The following UST variants were observed in gnomAD, a reference collection of about 807,000 sequenced individuals.
UST encodes the protein chondroitin sulfate 2-O-sulfotransferase.
In UST, 21 loss-of-function variants were observed where a neutral mutation model predicts 45.6. That is an observed-to-expected ratio of 0.46 (90% CI 0.33 to 0.66). UST has a LOEUF of 0.66. Among genes scored for constraint, UST ranks in the 30% least tolerant of loss-of-function variants. UST has a pLI of 0.02. For missense variants in UST, 463 were observed against 512.4 expected, an observed-to-expected ratio of 0.90 and a Z score of 0.93; for synonymous variants, 215 against 200.6, an observed-to-expected ratio of 1.07 and a Z score of -0.61.
At chr6:148,892,055 TG>T (rs1217823896) in intron 2 of UST, among the ~76,000 whole-genome samples, 1 of 152,248 alleles carries the variant, frequency 6.6e-6, no homozygotes, top group African/African-American at 2.4e-5. Flanking sequence ...TCCTTCCTCT[TG>T]AACGACTGAC....
At chr6:148,952,303 G>A (rs960647187) in intron 3 of UST, among the ~76,000 whole-genome samples, 6 of 152,196 alleles carry the variant, frequency 3.9e-5, no homozygotes, top group Non-Finnish European at 8.8e-5. Flanking sequence ...CAGGTGGTGT[G>A]TCGAGGATAA....
intron 2 of UST, among the ~76,000 whole-genome samples, chr6:148,920,894 T>C (rs924860544): frequency 2.0e-5 from 3 of 152,228 alleles, no homozygotes; most frequent in Admixed American, 6.5e-5. Context: ...TAAATCTCTG[T>C]ACCCTGACCG....
At chr6:148,927,553 C>T (rs79218153) in intron 2 of UST, among the ~76,000 whole-genome samples, 2 of 152,242 alleles carry the variant, frequency 1.3e-5, no homozygotes, top group East Asian at 3.9e-4. Flanking sequence ...TAATTCCCAG[C>T]CTTTTCTTCT....
chr6:148,856,816 T>A (rs1047923521), intron 1 of UST, among the ~76,000 whole-genome samples: 1 of 152,168 alleles, frequency 6.6e-6, no homozygotes, highest in African/African-American at 2.4e-5. Context: ...GGATCTAAAC[T>A]GTTACTGTGG....
intron 7 of UST, among the ~76,000 whole-genome samples, chr6:149,072,792 C>A (rs191376104): frequency 3.7e-4 from 57 of 152,040 alleles, no homozygotes; most frequent in Middle Eastern, 3.4e-3. Flanking sequence ...TGAGAATAGG[C>A]AAATTCATAA....
At chr6:149,063,481 G>A (rs1000664474) in intron 7 of UST, among the ~76,000 whole-genome samples, 1 of 152,188 alleles carries the variant, frequency 6.6e-6, no homozygotes, top group African/African-American at 2.4e-5. Flanking sequence ...AGAAAAATGT[G>A]CCTTGCCAGC....
intron 7 of UST, among the ~76,000 whole-genome samples, chr6:149,024,904 C>T (rs1183786321): frequency 6.6e-6 from 1 of 151,744 alleles, no homozygotes; most frequent in Non-Finnish European, 1.5e-5. Flanking sequence ...GCAAAAACAC[C>T]ACTGGCCATT....
At position 148,921,785 on chromosome 6, in the gene UST, C is replaced by G. The variant is rs183221162; in HGVS notation, c.292-19494C>G. ...GCATCCAGTCGCAGTCATGAAGTGC[C>G]ACTCCCCATGGTCTGGTGCCTCTGG... is the stretch of plus-strand genomic sequence containing the variant. On this transcript the variant is annotated intron_variant, in intron 2 of 7. Coordinates refer to ENST00000367463, the MANE Select transcript of UST (RefSeq NM_005715.3). Among the ~76,000 whole-genome samples, 20 of 152,244 alleles carry G rather than the reference C, an allele frequency of 1.3e-4. No individual in the cohort carries two copies. The East Asian group carries it at 3.3e-3, about 25-fold the overall frequency.
At chr6:148,962,752 A>G (rs1273574571) in intron 4 of UST, among the ~76,000 whole-genome samples, 1 of 152,200 alleles carries the variant, frequency 6.6e-6, no homozygotes, top group Non-Finnish European at 1.5e-5. Context: ...GGTGTCATTC[A>G]TATGTCCTGG....
At chr6:149,056,106 T>G (rs1417131733) in intron 7 of UST, among the ~76,000 whole-genome samples, 2 of 129,952 alleles carry the variant, frequency 1.5e-5, no homozygotes, top group Admixed American at 8.2e-5. Context: ...ACTCTGCTTT[T>G]CTTTTCTTTT....
At chr6:149,045,918 G>C (rs1776388538) in intron 7 of UST, among the ~76,000 whole-genome samples, 1 of 152,112 alleles carries the variant, frequency 6.6e-6, no homozygotes, top group Non-Finnish European at 1.5e-5. Context: ...CCATCTCCCA[G>C]AATATCTGCT....
At chr6:148,761,598 G>A (rs1235559948) in intron 1 of UST, among the ~76,000 whole-genome samples, 1 of 152,222 alleles carries the variant, frequency 6.6e-6, no homozygotes, top group Non-Finnish European at 1.5e-5. Flanking sequence ...CCACAGTGGG[G>A]AAGAAACCAG....
chr6:148,848,336 C>T (rs546300904), intron 1 of UST, among the ~76,000 whole-genome samples: 55 of 152,172 alleles, frequency 3.6e-4, no homozygotes, highest in African/African-American at 9.4e-4. Context: ...TGTTTTTTCC[C>T]GCAAACTTGA....
At chr6:148,862,935 T>C (rs947876318) in intron 1 of UST, among the ~76,000 whole-genome samples, 5 of 152,234 alleles carry the variant, frequency 3.3e-5, no homozygotes, top group Non-Finnish European at 5.9e-5. Context: ...TAACATTTTT[T>C]CCTTCATTTC....
intron 5 of UST, among the ~76,000 whole-genome samples, chr6:148,974,912 C>T (rs74601490): frequency 0.019 from 2,966 of 152,278 alleles, 81 homozygotes; most frequent in African/African-American, 0.055. Flanking sequence ...ACTGCTGTCC[C>T]GTTACCCTCT....
chr6:148,900,477 C>T (rs1305191936), intron 2 of UST, among the ~76,000 whole-genome samples: 1 of 152,124 alleles, frequency 6.6e-6, no homozygotes, highest in Non-Finnish European at 1.5e-5. Context: ...TATCAAGGGG[C>T]GTTTCCCTGC....
intron 7 of UST, among the ~76,000 whole-genome samples, chr6:149,034,342 A>C (rs1421474863): frequency 6.6e-6 from 1 of 152,152 alleles, no homozygotes; most frequent in Non-Finnish European, 1.5e-5. Flanking sequence ...TTTTGGTATT[A>C]TTTAAATATT....
chr6:148,882,717 T>A (rs1313192257), intron 1 of UST, among the ~76,000 whole-genome samples: 1 of 152,186 alleles, frequency 6.6e-6, no homozygotes, highest in African/African-American at 2.4e-5. Context: ...ATTCCGCTGT[T>A]TGTTTACTGG....
intron 1 of UST, among the ~76,000 whole-genome samples, chr6:148,771,337 G>A (rs780677571): frequency 2.6e-5 from 4 of 152,132 alleles, no homozygotes; most frequent in Admixed American, 6.5e-5. Flanking sequence ...ACCTAAAGTC[G>A]CATAGGCTGT....
Sources: allele counts gnomAD v4.1 joint callset (sites outside exome capture counted in the v4.1 genomes callset), GRCh38; gene constraint gnomAD v4.1.1; transcripts MANE v1.5; gene names NCBI Gene and HGNC (gene_info 2026-07-23, HGNC 2026-07-21).